Variants in KIFAP3 observed in about 807,000 individuals in gnomAD.
KIFAP3 encodes the protein kinesin associated protein 3.
A neutral mutation model predicts 106.5 loss-of-function variants in KIFAP3; 68 were observed. The observed-to-expected ratio is 0.64, with a 90% CI of 0.53 to 0.78. KIFAP3 has a LOEUF of 0.78. KIFAP3 is among the 30% of genes least tolerant of loss of function. The pLI is 0.00. For synonymous variants in KIFAP3, 320 were observed against 311.5 expected, an observed-to-expected ratio of 1.03 and a Z score of -0.29; for missense variants, 780 against 941.8, an observed-to-expected ratio of 0.83 and a Z score of 2.25.
chr1:170,059,718 A>C (rs1671035426), intron 1 of KIFAP3, among the ~76,000 whole-genome samples: 1 of 152,048 alleles, frequency 6.6e-6, no homozygotes, highest in African/African-American at 2.4e-5. Flanking sequence ...AACAAAAAAA[A>C]AGAATTTTAA....
At chr1:169,966,112 T>A (rs1384784934) in intron 17 of KIFAP3, among the ~76,000 whole-genome samples, 1 of 151,916 alleles carries the variant, frequency 6.6e-6, no homozygotes, top group East Asian at 1.9e-4. Flanking sequence ...GTATTCTAAC[T>A]TTTAAGCATT....
chr1:169,976,443 T>C (rs571961329), intron 16 of KIFAP3, among the ~76,000 whole-genome samples: 1 of 152,242 alleles, frequency 6.6e-6, no homozygotes, highest in African/African-American at 2.4e-5. Context: ...TTTTTTTCAT[T>C]AAGCAGCTGT....
At chr1:170,051,317 A>G (rs1338941674) in intron 2 of KIFAP3, among the ~76,000 whole-genome samples, 1 of 152,216 alleles carries the variant, frequency 6.6e-6, no homozygotes, top group Admixed American at 6.5e-5. Flanking sequence ...CACCCAATAC[A>G]GGACCACCCA....
At chr1:170,031,837 A>C (rs1272011536) in intron 8 of KIFAP3, 49 bp downstream of exon 8, 1 of 1,148,490 alleles carries the variant, frequency 8.7e-7, no homozygotes, top group East Asian at 2.4e-5. Context: ...AAACAAATGT[A>C]TTTGGAGTAA....
chr1:170,052,796 T>C (rs1421713045), intron 2 of KIFAP3, among the ~76,000 whole-genome samples: 2 of 152,232 alleles, frequency 1.3e-5, no homozygotes, highest in Non-Finnish European at 2.9e-5. Flanking sequence ...TCAACATCTT[T>C]TTATGTTAAA....
intron 19 of KIFAP3, among the ~76,000 whole-genome samples, chr1:169,929,950 AATG>A (rs1397332257): frequency 1.3e-5 from 2 of 152,174 alleles, no homozygotes; most frequent in Non-Finnish European, 2.9e-5. Context: ...AATTTGTACT[AATG>A]ATGAAGGGAA....
At chr1:169,942,962 A>C (rs759211953) in intron 19 of KIFAP3, among the ~76,000 whole-genome samples, 1 of 132,946 alleles carries the variant, frequency 7.5e-6, no homozygotes, top group Admixed American at 9.2e-5. Context: ...ATTTCTTTTG[A>C]TTGAAACCAA....
intron 19 of KIFAP3, among the ~76,000 whole-genome samples, chr1:169,952,480 T>C (rs1664777970): frequency 6.6e-6 from 1 of 152,104 alleles, no homozygotes; most frequent in African/African-American, 2.4e-5. Context: ...TATAGGTAGA[T>C]ACATGTATAT....
chr1:169,982,819 C>G lies in KIFAP3; in HGVS notation c.1555G>C (p.Glu519Gln). The G allele has an allele frequency of 6.2e-7, 1 of 1,605,400 alleles. No homozygotes were observed. The highest frequency in any genetic ancestry group is 8.5e-7 in the Non-Finnish European group (1 of 1,174,188). The stretch of plus-strand genomic sequence containing the variant: ...GTTCCCAAACATTCAATCACAAACT[C>G]CTCTTCTTCATCATTAGAGATCTGG... ...AAQISNDEEE[E>Q]FVIECLGTLA... Residue 519 changes from glutamate (E) to glutamine (Q), a missense_variant, in exon 14 of 20, where the codon GAG becomes CAG. By Grantham distance (29) the Glu-to-Gln change is conservative. Around this residue, in one of 3 missense-constraint regions of KIFAP3, gnomAD observed 588 missense variants for 678.9 expected, o/e 0.87. Transcript: ENST00000361580.
chr1:170,073,755 A>G (rs1437266103), intron 1 of KIFAP3, among the ~76,000 whole-genome samples: 1 of 152,060 alleles, frequency 6.6e-6, no homozygotes, highest in African/African-American at 2.4e-5. Flanking sequence ...GCCAGCACCC[A>G]AATAATCCCA....
chr1:170,019,742 GA>G (rs1276709073), intron 9 of KIFAP3, among the ~76,000 whole-genome samples: 1 of 152,158 alleles, frequency 6.6e-6, no homozygotes, highest in African/African-American at 2.4e-5. Flanking sequence ...GCTCAATAGT[GA>G]AAGACATTGT....
intron 11 of KIFAP3, among the ~76,000 whole-genome samples, chr1:169,985,995 A>T (rs1408109696): frequency 6.6e-6 from 1 of 151,890 alleles, no homozygotes; most frequent in East Asian, 1.9e-4. Flanking sequence ...ACATAAAGAG[A>T]GTTTTTTCTC....
At chr1:170,074,786 G>A (rs985579479), upstream of KIFAP3, 35 of 1,208,030 alleles carry the variant, frequency 2.9e-5, no homozygotes, top group African/African-American at 5.2e-4. Context: ...TTGACGCACC[G>A]GGGAGCCGAG....
At chr1:169,988,262 T>C (rs1666936917) in intron 11 of KIFAP3, among the ~76,000 whole-genome samples, 1 of 152,064 alleles carries the variant, frequency 6.6e-6, no homozygotes, top group African/African-American at 2.4e-5. Context: ...GGACTATAAA[T>C]GGGTCAAAAT....
chr1:170,020,578 G>C (rs1355832249), intron 9 of KIFAP3, among the ~76,000 whole-genome samples: 5 of 152,116 alleles, frequency 3.3e-5, no homozygotes, highest in African/African-American at 1.2e-4. Context: ...CTCCCGAGTA[G>C]CTGGGACTAC....
chr1:170,082,203 C>G (rs567343386), intron 1 of KIFAP3, among the ~76,000 whole-genome samples: 1 of 152,232 alleles, frequency 6.6e-6, no homozygotes, highest in Non-Finnish European at 1.5e-5. Flanking sequence ...ATTAACATGT[C>G]AATTGATACA....
intron 15 of KIFAP3, among the ~76,000 whole-genome samples, chr1:169,979,977 T>C (rs1190122871): frequency 6.6e-6 from 1 of 152,114 alleles, no homozygotes; most frequent in Non-Finnish European, 1.5e-5. Context: ...ACAACATAGA[T>C]GAATGTCACA....
chr1:169,967,414 C>T (rs1443279450), intron 17 of KIFAP3, among the ~76,000 whole-genome samples: 2 of 151,654 alleles, frequency 1.3e-5, no homozygotes, highest in Non-Finnish European at 3.0e-5. Context: ...TCTGGGAATC[C>T]TCAATGAATA....
chr1:170,079,113 T>C (rs956242899), upstream of KIFAP3, among the ~76,000 whole-genome samples: 1 of 152,250 alleles, frequency 6.6e-6, no homozygotes, highest in Non-Finnish European at 1.5e-5. Flanking sequence ...GTTTGGGTGA[T>C]GCAGACAGAT....
Sources: gnomAD v4.1 joint callset for allele counts (sites outside exome capture counted in the v4.1 genomes callset) on GRCh38, gnomAD v4.1.1 for gene constraint, gnomAD v4.1.1 regional missense constraint, MANE v1.5 for transcripts, NCBI Gene and HGNC (gene_info 2026-07-23, HGNC 2026-07-21) for gene names.